Variants in EIF2B3 observed in about 807,000 individuals in gnomAD.
EIF2B3 encodes translation initiation factor eIF2B subunit gamma.
A neutral mutation model predicts 54.1 loss-of-function variants in EIF2B3; 20 were observed. The observed-to-expected ratio is 0.37, with a 90% CI of 0.26 to 0.54. The LOEUF (loss-of-function observed/expected upper bound fraction) is 0.54, where lower values mean the gene tolerates loss of function less well. Ranked by LOEUF, EIF2B3 falls within the 20% of genes least tolerant of loss-of-function variation. The pLI is 0.86. For missense variants in EIF2B3, 448 were observed against 547.8 expected, an observed-to-expected ratio of 0.82 and a Z score of 1.82; for synonymous variants, 153 against 188.1, an observed-to-expected ratio of 0.81 and a Z score of 1.52.
chr1:44,912,240 G>A (rs1319780054), intron 5 of EIF2B3, among the ~76,000 whole-genome samples: 1 of 152,138 alleles, frequency 6.6e-6, no homozygotes, highest in Admixed American at 6.6e-5. Context: ...TGTGAGTCAG[G>A]ACCCTCATTT....
At chr1:44,958,272 G>C (rs1285904532) in intron 3 of EIF2B3, among the ~76,000 whole-genome samples, 6 of 152,136 alleles carry the variant, frequency 3.9e-5, no homozygotes, top group Non-Finnish European at 8.8e-5. Flanking sequence ...GGGACCTAAA[G>C]CCTGGTACTT....
At chr1:44,884,232 A>G (rs989616699) in intron 6 of EIF2B3, among the ~76,000 whole-genome samples, 2 of 152,226 alleles carry the variant, frequency 1.3e-5, no homozygotes, top group Admixed American at 6.5e-5. Context: ...GCCTGGAATA[A>G]GGAAACTGAA....
At chr1:44,866,407 AAAAC>A (rs1213885583) in intron 10 of EIF2B3, among the ~76,000 whole-genome samples, 1 of 151,916 alleles carries the variant, frequency 6.6e-6, no homozygotes, top group Middle Eastern at 3.2e-3. Context: ...CAAAAAAAAA[AAAAC>A]AAACAAAACT....
chr1:44,855,740 A>G (rs1490100964), intron 11 of EIF2B3, among the ~76,000 whole-genome samples: 3 of 152,118 alleles, frequency 2.0e-5, no homozygotes. Context: ...TATTTTTAGT[A>G]GAGACGGGGT....
intron 8 of EIF2B3, among the ~76,000 whole-genome samples, chr1:44,875,959 A>AT (rs1437852114): frequency 1.3e-5 from 2 of 151,996 alleles, no homozygotes; most frequent in Non-Finnish European, 2.9e-5. Context: ...TGGTTTTCGT[A>AT]TTTTTTTGGT....
intron 3 of EIF2B3, among the ~76,000 whole-genome samples, chr1:44,954,092 C>T (rs995776606): frequency 6.6e-6 from 1 of 152,032 alleles, no homozygotes; most frequent in Non-Finnish European, 1.5e-5. Flanking sequence ...TTTTATAATG[C>T]TAGAAGCCAA....
At chr1:44,978,646 T>TTTTTTTTTTTTTTTTTC (rs1644480154) in intron 2 of EIF2B3, among the ~76,000 whole-genome samples, 186 bp from the exon 3 acceptor site, 1 of 95,312 alleles carries the variant, frequency 1.0e-5, no homozygotes, top group African/African-American at 3.7e-5. Context: ...TTTTTTTTTT[T>TTTTTTTTTTTTTTTTTC]TTTTTTTACA....
chr1:44,965,182 C>A (rs1364584355), intron 3 of EIF2B3, among the ~76,000 whole-genome samples: 2 of 152,182 alleles, frequency 1.3e-5, no homozygotes, highest in Admixed American at 1.3e-4. Flanking sequence ...GCAATAGCTG[C>A]ACACCTGCAA....
At chr1:44,929,163 A>T (rs1329218129) in intron 4 of EIF2B3, among the ~76,000 whole-genome samples, 2 of 152,230 alleles carry the variant, frequency 1.3e-5, no homozygotes, top group Admixed American at 1.3e-4. Flanking sequence ...TTTAATCCTC[A>T]CAACAACCAC....
At chr1:44,966,046 C>T (rs1285329005) in intron 3 of EIF2B3, among the ~76,000 whole-genome samples, 1 of 152,130 alleles carries the variant, frequency 6.6e-6, no homozygotes, top group African/African-American at 2.4e-5. Flanking sequence ...TTCCATTAAA[C>T]TCTGAAGACT....
At chr1:44,916,981 C>T (rs575308904) in intron 5 of EIF2B3, among the ~76,000 whole-genome samples, 10 of 152,022 alleles carry the variant, frequency 6.6e-5, no homozygotes, top group African/African-American at 1.7e-4. Flanking sequence ...ATAATATTCT[C>T]GAGTTCCACT....
chr1:44,970,283 C>T (rs398200), intron 3 of EIF2B3, among the ~76,000 whole-genome samples: 1 of 151,796 alleles, frequency 6.6e-6, no homozygotes, highest in Non-Finnish European at 1.5e-5. Flanking sequence ...AAAGGAAAAA[C>T]ATTATAAGTT....
At chr1:44,868,839 A>T (rs1654869633) in intron 10 of EIF2B3, among the ~76,000 whole-genome samples, 1 of 152,198 alleles carries the variant, frequency 6.6e-6, no homozygotes, top group South Asian at 2.1e-4. Flanking sequence ...AGGAGTCTGG[A>T]AGAGGACATG....
intron 5 of EIF2B3, among the ~76,000 whole-genome samples, chr1:44,909,902 T>C (rs1569691091): frequency 6.6e-6 from 1 of 152,234 alleles, no homozygotes; most frequent in East Asian, 1.9e-4. Context: ...TCTCATCATC[T>C]GTAGTCCCAG....
At chr1:44,982,717 C>T (rs1309627447) in intron 1 of EIF2B3, among the ~76,000 whole-genome samples, 1 of 151,982 alleles carries the variant, frequency 6.6e-6, no homozygotes, top group African/African-American at 2.4e-5. Flanking sequence ...CCTCCTGCCC[C>T]AACCTCTGGA....
intron 3 of EIF2B3, among the ~76,000 whole-genome samples, chr1:44,949,066 G>A (rs1456848979): frequency 3.3e-5 from 5 of 151,976 alleles, no homozygotes; most frequent in Non-Finnish European, 7.4e-5. Context: ...ACAGTGTTTC[G>A]CCATGTTGGC....
At chr1:44,899,874 G>C (rs1327868696) in intron 5 of EIF2B3, among the ~76,000 whole-genome samples, 1 of 152,168 alleles carries the variant, frequency 6.6e-6, no homozygotes, top group Non-Finnish European at 1.5e-5. Flanking sequence ...AAAAAGACAA[G>C]TGTACTTGCA....
chr1:44,882,928 CTTTTTTTTT>C (rs1003449669), intron 6 of EIF2B3, among the ~76,000 whole-genome samples: 2 of 114,456 alleles, frequency 1.7e-5, no homozygotes, highest in South Asian at 2.8e-4. Context: ...TTTTCTTTTT[CTTTTTTTTT>C]TTTTTTTTTT....
chr1:44,877,200 A>T (rs1188974933), intron 8 of EIF2B3, among the ~76,000 whole-genome samples: 1 of 144,438 alleles, frequency 6.9e-6, no homozygotes, highest in Non-Finnish European at 1.5e-5. Flanking sequence ...AATAAAAAAA[A>T]AAAAAAAAAA....
Sources: allele counts gnomAD v4.1 joint callset (sites outside exome capture counted in the v4.1 genomes callset), GRCh38; gene constraint gnomAD v4.1.1; transcripts MANE v1.5; gene names NCBI Gene and HGNC (gene_info 2026-07-23, HGNC 2026-07-21).